Variants in NXPE4 observed in about 807,000 individuals in gnomAD.
The protein encoded by NXPE4 is neurexophilin and PC-esterase domain family member 4, also known as NXPE family member 4.
Under a neutral mutation model 33.3 loss-of-function variants are expected in NXPE4, and 42 were observed. That is an observed-to-expected ratio of 1.26 (90% confidence interval 0.98 to 1.63). The LOEUF is 1.63. Ranked by LOEUF, NXPE4 falls within the 40% of genes most tolerant of loss-of-function variation. The pLI is 0.00. For missense variants in NXPE4, 709 were observed against 647.6 expected (o/e 1.09, Z -1.03); for synonymous variants, 253 against 234.9 (o/e 1.08, Z -0.71).
At chr11:114,628,494 C>A in the NXPE4 span, among the ~76,000 whole-genome samples, 2 of 151,730 alleles carry the variant, frequency 1.3e-5, no homozygotes, top group East Asian at 3.9e-4. Flanking sequence ...CACAACGTAC[C>A]AGAATCTCTG....
At chr11:114,571,549 G>A (rs187590150) in intron 5 of NXPE4, 76 bp from the exon 6 acceptor site, 165 of 1,243,312 alleles carry the variant, frequency 1.3e-4, no homozygotes, top group Non-Finnish European at 1.8e-4. Context: ...AGATGGAAGA[G>A]ATTTGATTGG....
the NXPE4 span, among the ~76,000 whole-genome samples, chr11:114,621,461 A>G: frequency 1.6e-5 from 2 of 127,822 alleles, no homozygotes; most frequent in South Asian, 5.4e-4. Context: ...CCAGTGGATA[A>G]TAAGTATTGC....
chr11:114,600,531 A>G (rs1038502873), upstream of NXPE4, among the ~76,000 whole-genome samples: 1 of 152,116 alleles, frequency 6.6e-6, no homozygotes, highest in Non-Finnish European at 1.5e-5. Context: ...AAAATTTTGC[A>G]TAGAAAAAAA....
At chr11:114,583,440 A>G in intron 2 of NXPE4, 2 of 669,906 alleles carry the variant, frequency 3.0e-6, no homozygotes. Flanking sequence ...AATGCTGAGG[A>G]GATGACCAAG....
the NXPE4 span, among the ~76,000 whole-genome samples, chr11:114,626,967 G>GA: frequency 1.3e-5 from 2 of 151,932 alleles, no homozygotes. Flanking sequence ...GAAGTTTAGA[G>GA]AAAAAAGAAT....
chr11:114,583,793 G>A (rs1949213333), intron 2 of NXPE4: 1 of 442,340 alleles, frequency 2.3e-6, no homozygotes, highest in East Asian at 5.4e-5. Context: ...TCACCATGAT[G>A]ATGGCATGGA....
At chr11:114,614,011 A>G in the NXPE4 span, among the ~76,000 whole-genome samples, 1 of 151,734 alleles carries the variant, frequency 6.6e-6, no homozygotes, top group Non-Finnish European at 1.5e-5. Context: ...CCCAGTGGAA[A>G]ATAAGTATTG....
the NXPE4 span, among the ~76,000 whole-genome samples, chr11:114,632,195 T>C: frequency 2.1e-5 from 3 of 141,878 alleles, no homozygotes; most frequent in South Asian, 2.1e-4. Context: ...TAAATGATCA[T>C]ATATACATAT....
the NXPE4 span, among the ~76,000 whole-genome samples, chr11:114,602,186 T>C: frequency 9.3e-6 from 1 of 108,090 alleles, no homozygotes; most frequent in African/African-American, 3.8e-5. Context: ...CTATATACAT[T>C]ATATATAATA....
chr11:114,638,460 C>G, the NXPE4 span, among the ~76,000 whole-genome samples: 13 of 152,054 alleles, frequency 8.5e-5, no homozygotes, highest in Non-Finnish European at 1.9e-4. Flanking sequence ...CTTCTTCTCT[C>G]AACTCATCAA....
the NXPE4 span, among the ~76,000 whole-genome samples, chr11:114,614,529 C>T: frequency 2.0e-5 from 3 of 151,286 alleles, no homozygotes; most frequent in South Asian, 2.1e-4. Context: ...TCATGGGGAA[C>T]CAGTGTTACC....
rs78715762 is a variant in NXPE4, at chr11:114,584,280, G to A, written c.97-1259C>T. ...TTGAATACTTTGGACCATATTTCAA[G>A]CCCTACATCAGTCCTTCCAATATGA... On this transcript the variant is annotated intron_variant, in intron 2 of 5. Transcript: ENST00000375478. The A allele has an allele frequency of 8.7e-3, 4,414 of 504,772 alleles. 26 individuals are homozygous for A. The highest frequency in any genetic ancestry group is 0.014 in the Non-Finnish European group (3,440 of 248,490). 31.3% of individuals were successfully genotyped at this position (504,772 alleles called of 1,614,324 possible).
chr11:114,657,161 CA>C, the NXPE4 span, among the ~76,000 whole-genome samples: 1 of 152,180 alleles, frequency 6.6e-6, no homozygotes, highest in Admixed American at 6.5e-5. Flanking sequence ...CTCAGTTACA[CA>C]ATTTTTCAGA....
the NXPE4 span, among the ~76,000 whole-genome samples, chr11:114,634,872 T>C: frequency 2.6e-5 from 4 of 152,016 alleles, no homozygotes; most frequent in African/African-American, 9.7e-5. Context: ...TGTAGCCGTG[T>C]AGTATAGTTT....
At chr11:114,594,066 T>C (rs1949523381) in intron 2 of NXPE4, among the ~76,000 whole-genome samples, 1 of 152,078 alleles carries the variant, frequency 6.6e-6, no homozygotes, top group African/African-American at 2.4e-5. Flanking sequence ...GGTTAGTTAA[T>C]GAGTACAAAA....
chr11:114,618,597 C>T, the NXPE4 span, among the ~76,000 whole-genome samples: 6 of 151,970 alleles, frequency 3.9e-5, no homozygotes, highest in African/African-American at 1.5e-4. Context: ...ACAACTGTTA[C>T]CCTGTGGATA....
At chr11:114,587,598 A>C (rs941494260) in intron 2 of NXPE4, among the ~76,000 whole-genome samples, 1 of 152,140 alleles carries the variant, frequency 6.6e-6, no homozygotes. Flanking sequence ...TTTCATTGCT[A>C]TGGGTTATGC....
the NXPE4 span, among the ~76,000 whole-genome samples, chr11:114,674,578 A>C: frequency 1.3e-5 from 2 of 150,998 alleles, no homozygotes; most frequent in South Asian, 2.1e-4. Flanking sequence ...TACCACCACA[A>C]AAAAAAAATC....
At chr11:114,607,160 C>T in the NXPE4 span, among the ~76,000 whole-genome samples, 2 of 150,008 alleles carry the variant, frequency 1.3e-5, no homozygotes, top group Admixed American at 6.7e-5. Flanking sequence ...GTATTACCCA[C>T]TGGATAATCA....
Sources: gnomAD v4.1 joint callset for allele counts (sites outside exome capture counted in the v4.1 genomes callset) on GRCh38, gnomAD v4.1.1 for gene constraint, MANE v1.5 for transcripts, NCBI Gene and HGNC (gene_info 2026-07-23, HGNC 2026-07-21) for gene names.